The following ATRNL1 variants were observed in gnomAD, a reference collection of about 807,000 sequenced individuals.
The protein encoded by ATRNL1 is attractin-like protein 1.
ATRNL1 carries 95 observed loss-of-function variants against 182.7 expected under a neutral mutation model. The observed-to-expected ratio is 0.52, with a 90% CI of 0.44 to 0.62. The LOEUF (loss-of-function observed/expected upper bound fraction) is 0.62. Ranked by LOEUF, ATRNL1 falls within the 20% of genes least tolerant of loss-of-function variation. The pLI is 0.00. For missense variants in ATRNL1, 1,471 were observed against 1,679.5 expected, an observed-to-expected ratio of 0.88 and a Z score of 2.17; for synonymous variants, 576 against 568.3, an observed-to-expected ratio of 1.01 and a Z score of -0.19.
At chr10:115,622,744 G>A (rs1857849503) in intron 26 of ATRNL1, among the ~76,000 whole-genome samples, 1 of 152,082 alleles carries the variant, frequency 6.6e-6, no homozygotes, top group Non-Finnish European at 1.5e-5. Context: ...TGGCTTACAC[G>A]GTGAAACCCC....
intron 26 of ATRNL1, among the ~76,000 whole-genome samples, chr10:115,655,563 T>C (rs901230965): frequency 6.6e-6 from 1 of 152,202 alleles, no homozygotes; most frequent in Non-Finnish European, 1.5e-5. Context: ...GTTTCTGTGA[T>C]ATGCATGTTG....
chr10:115,355,327 A>G (rs1856454999), intron 19 of ATRNL1, among the ~76,000 whole-genome samples: 1 of 152,046 alleles, frequency 6.6e-6, no homozygotes, highest in Non-Finnish European at 1.5e-5. Context: ...TAAATTACTT[A>G]TTTCTGTGGT....
At chr10:115,502,136 G>A (rs1849874794) in intron 24 of ATRNL1, among the ~76,000 whole-genome samples, 1 of 152,014 alleles carries the variant, frequency 6.6e-6, no homozygotes, top group South Asian at 2.1e-4. Flanking sequence ...AGTTATATCA[G>A]AATTATGGGA....
chr10:115,786,455 C>T (rs2134201625), intron 27 of ATRNL1, among the ~76,000 whole-genome samples: 1 of 152,204 alleles, frequency 6.6e-6, no homozygotes, highest in South Asian at 2.1e-4. Flanking sequence ...TCGGGTGGTT[C>T]CTGGCAAGCC....
At chr10:115,115,107 G>A (rs990660618) in intron 1 of ATRNL1, among the ~76,000 whole-genome samples, 2 of 152,144 alleles carry the variant, frequency 1.3e-5, no homozygotes, top group Non-Finnish European at 2.9e-5. Context: ...AGGCCATTAG[G>A]TTATGCAAAA....
chr10:115,684,313 T>C (rs1398327432), intron 26 of ATRNL1, among the ~76,000 whole-genome samples: 2 of 151,438 alleles, frequency 1.3e-5, no homozygotes, highest in African/African-American at 4.8e-5. Flanking sequence ...TGAGGGTATG[T>C]TACAACTTGA....
At chr10:115,938,544 T>TC (rs1194289121) in intron 28 of ATRNL1, among the ~76,000 whole-genome samples, 7 of 152,192 alleles carry the variant, frequency 4.6e-5, no homozygotes, top group Non-Finnish European at 1.5e-5. Context: ...TGTGGGGTAC[T>TC]CCCACATTCA....
chr10:115,785,764 A>G (rs1424877416), intron 27 of ATRNL1, among the ~76,000 whole-genome samples: 4 of 152,150 alleles, frequency 2.6e-5, no homozygotes, highest in African/African-American at 9.7e-5. Flanking sequence ...TTTTGCCTCA[A>G]TTTATCTCTT....
intron 26 of ATRNL1, among the ~76,000 whole-genome samples, chr10:115,562,909 A>C (rs1555000225): frequency 6.6e-6 from 1 of 152,216 alleles, no homozygotes. Context: ...AGATTCAAAA[A>C]CTTACATGGA....
intron 28 of ATRNL1, among the ~76,000 whole-genome samples, chr10:115,911,869 T>G (rs1308935932): frequency 2.0e-5 from 3 of 152,150 alleles, no homozygotes; most frequent in Non-Finnish European, 4.4e-5. Flanking sequence ...CCATGCACCA[T>G]CCCGTGTTTC....
intron 8 of ATRNL1, among the ~76,000 whole-genome samples, chr10:115,172,922 C>A (rs189778402): frequency 6.6e-6 from 1 of 150,460 alleles, no homozygotes; most frequent in African/African-American, 2.4e-5. Context: ...TTAATGACAT[C>A]TGGAACTTCT....
chr10:115,318,335 C>T (rs141226203), intron 18 of ATRNL1, among the ~76,000 whole-genome samples: 182 of 152,032 alleles, frequency 1.2e-3, no homozygotes, highest in African/African-American at 4.0e-3. Flanking sequence ...ATCAGGGAAA[C>T]GGGCCAGAAT....
chr10:115,313,247 TTTCTGTAGG>T (rs1564903562), intron 17 of ATRNL1, among the ~76,000 whole-genome samples: 1 of 152,118 alleles, frequency 6.6e-6, no homozygotes, highest in Non-Finnish European at 1.5e-5. Flanking sequence ...TTCCTTCTTA[TTTCTGTAGG>T]TTCTTATAAT....
chr10:115,141,031 A>G (rs958679825), intron 5 of ATRNL1, among the ~76,000 whole-genome samples: 3 of 152,186 alleles, frequency 2.0e-5, no homozygotes, highest in Non-Finnish European at 2.9e-5. Context: ...TTAAATTTAT[A>G]TCATTTATCC....
intron 28 of ATRNL1, among the ~76,000 whole-genome samples, chr10:115,930,079 T>C (rs2134589770): frequency 6.6e-6 from 1 of 152,262 alleles, no homozygotes; most frequent in East Asian, 1.9e-4. Context: ...TCTGGGGCTG[T>C]AGCTATGGTT....
chr10:115,613,657 G>C (rs1857280411), intron 26 of ATRNL1, among the ~76,000 whole-genome samples: 1 of 151,930 alleles, frequency 6.6e-6, no homozygotes, highest in African/African-American at 2.4e-5. Context: ...TCAGGTACTG[G>C]GTATTTTGTT....
intron 26 of ATRNL1, among the ~76,000 whole-genome samples, chr10:115,648,366 A>G (rs1456836911): frequency 1.3e-5 from 2 of 152,206 alleles, no homozygotes; most frequent in Non-Finnish European, 2.9e-5. Context: ...TACCATGAAA[A>G]TGGCCATACT....
chr10:115,380,116 C>T (rs186187020), intron 19 of ATRNL1, among the ~76,000 whole-genome samples: 3 of 152,252 alleles, frequency 2.0e-5, no homozygotes, highest in East Asian at 1.9e-4. Context: ...AGTCGTGAGC[C>T]GCCGCGCCTG....
chr10:115,334,235 T>C, intron 18 of ATRNL1, 47 bp from the exon 19 acceptor site: 1 of 1,278,218 alleles, frequency 7.8e-7, no homozygotes, highest in Non-Finnish European at 1.1e-6. Flanking sequence ...GCTATTATAC[T>C]TGATATTATG....
Sources: gnomAD v4.1 joint callset for allele counts (sites outside exome capture counted in the v4.1 genomes callset) on GRCh38, gnomAD v4.1.1 for gene constraint, MANE v1.5 for transcripts, NCBI Gene and HGNC (gene_info 2026-07-23, HGNC 2026-07-21) for gene names.